PYGL: variants seen among roughly 807,000 people sequenced by gnomAD.
PYGL encodes the protein glycogen phosphorylase L.
A neutral mutation model predicts 100.1 loss-of-function variants in PYGL; 90 were observed. That is an observed-to-expected ratio of 0.90 (90% CI 0.76 to 1.07). PYGL has a LOEUF of 1.07. PYGL is among the 50% of genes least tolerant of loss of function. PYGL has a pLI of 0.00. For missense variants in PYGL, 1,016 were observed against 1,057.6 expected (o/e 0.96, Z 0.55); for synonymous variants, 373 against 393.0 (o/e 0.95, Z 0.60).
At chr14:50,942,874 A>G (rs1295058718) in intron 1 of PYGL, among the ~76,000 whole-genome samples, 1 of 151,946 alleles carries the variant, frequency 6.6e-6, no homozygotes, top group Non-Finnish European at 1.5e-5. Context: ...CAGTAAATAT[A>G]TGTATACATA....
At chr14:50,913,368 T>C in intron 12 of PYGL, 1 of 184,108 alleles carries the variant, frequency 5.4e-6, no homozygotes, top group Non-Finnish European at 1.1e-5. Flanking sequence ...TATTTATTTT[T>C]ATTTATTTAT....
chr14:50,906,729 T>C (rs1260386389), intron 19 of PYGL, among the ~76,000 whole-genome samples: 1 of 152,232 alleles, frequency 6.6e-6, no homozygotes, highest in Non-Finnish European at 1.5e-5. Flanking sequence ...GCGGCCTGTA[T>C]ATGGCTTTTC....
At chr14:50,908,079 C>G (rs2050351496) in intron 19 of PYGL, 192 bp downstream of exon 19, 2 of 480,420 alleles carry the variant, frequency 4.2e-6, no homozygotes, top group South Asian at 5.2e-5. Context: ...TCAACCTTGG[C>G]CTGAACTTGG....
intron 5 of PYGL, chr14:50,921,420 G>A (rs2050501213): frequency 1.4e-5 from 3 of 218,152 alleles, no homozygotes; most frequent in Admixed American, 5.3e-5. Flanking sequence ...TTGAGACGGA[G>A]TCTCACTCTG....
chr14:50,919,989 T>A (rs374189738), intron 7 of PYGL, among the ~76,000 whole-genome samples: 1 of 151,292 alleles, frequency 6.6e-6, no homozygotes, highest in East Asian at 1.9e-4. Flanking sequence ...TGGCCCCAAG[T>A]GTTTTTTTTT....
At chr14:50,918,703 T>C (rs2050475060) in intron 7 of PYGL, among the ~76,000 whole-genome samples, 1 of 152,212 alleles carries the variant, frequency 6.6e-6, no homozygotes, top group Non-Finnish European at 1.5e-5. Flanking sequence ...GGGTGTACAC[T>C]GCTCAGGTGA....
intron 6 of PYGL, 65 bp from the exon 7 acceptor site, chr14:50,920,688 C>T: frequency 6.8e-7 from 1 of 1,463,260 alleles, no homozygotes; most frequent in Non-Finnish European, 9.6e-7. Flanking sequence ...ACCTCTTGAT[C>T]TCACTGGCTC....
At position 50,923,831 on chromosome 14, in the gene PYGL, A is replaced by G. The variant is rs181036185; in HGVS notation, c.660+138T>C. ...CTGCGCTAAGAGAAGTAACAGATTTATTTACAAAAATATATTCTATTATTC... is the reference window on the plus strand; with the variant it reads ...CTGCGCTAAGAGAAGTAACAGATTTGTTTACAAAAATATATTCTATTATTC... On this transcript the variant is annotated intron_variant, in intron 5 of 19. Transcript: ENST00000216392. The G allele has an allele frequency of 5.3e-6, 6 of 1,135,494 alleles. No homozygotes were observed. The African/African-American group carries it at 7.8e-5, about 15-fold the overall frequency. 70.3% of individuals were successfully genotyped at this position (1,135,494 alleles called of 1,614,324 possible).
At chr14:50,906,938 A>G (rs1316415820) in intron 19 of PYGL, among the ~76,000 whole-genome samples, 1 of 152,228 alleles carries the variant, frequency 6.6e-6, no homozygotes, top group Non-Finnish European at 1.5e-5. Flanking sequence ...GACATTTAGG[A>G]TGACAGTAGG....
At position 50,944,443 on chromosome 14, in the gene PYGL, C is replaced by T; in HGVS notation, c.-40G>A. 6.4e-7 allele frequency: 1 copy of T among 1,565,666 alleles called. No individual in the cohort carries two copies. Among genetic ancestry groups the T allele is most frequent in the Non-Finnish European group, 8.6e-7 (1 of 1,158,820 alleles). ...GCTGCGCGGCGGGCTGCGCAGAGAGCTGGAAGTGCGGCCGGAGGCGCTGGG... is the reference window on the plus strand; with the variant it reads ...GCTGCGCGGCGGGCTGCGCAGAGAGTTGGAAGTGCGGCCGGAGGCGCTGGG... On this transcript the variant is annotated 5_prime_UTR_variant, in exon 1 of 20. Coordinates refer to ENST00000216392, the MANE Select transcript of PYGL (RefSeq NM_002863.5).
Position 50,912,046 on chromosome 14 carries a change from A to G in PYGL, c.1769-10T>C. On this transcript the variant is annotated splice_polypyrimidine_tract_variant and intron_variant, in intron 14 of 19. Transcript: ENST00000216392. ...GGGTCTTTCTTAATGCCTGAAAAAGATGGAGAAGTGGATGAAATGGAAGAC... is the reference window on the plus strand; with the variant it reads ...GGGTCTTTCTTAATGCCTGAAAAAGGTGGAGAAGTGGATGAAATGGAAGAC... The G allele has an allele frequency of 6.2e-7, 1 of 1,613,832 alleles. No individual in the cohort carries two copies.
intron 17 of PYGL, among the ~76,000 whole-genome samples, chr14:50,909,226 G>C (rs965869698): frequency 6.6e-6 from 1 of 152,168 alleles, no homozygotes; most frequent in Non-Finnish European, 1.5e-5. Context: ...TGATGTGGTA[G>C]AATACAGCAA....
intron 16 of PYGL, among the ~76,000 whole-genome samples, chr14:50,911,070 C>T (rs2050391735): frequency 6.6e-6 from 1 of 152,204 alleles, no homozygotes; most frequent in Non-Finnish European, 1.5e-5. Context: ...AAAAAGCTCC[C>T]TTTCTACCTT....
At chr14:50,907,571 G>T (rs1393242616) in intron 19 of PYGL, among the ~76,000 whole-genome samples, 2 of 152,144 alleles carry the variant, frequency 1.3e-5, no homozygotes, top group African/African-American at 2.4e-5. Context: ...AGGGGAGGGA[G>T]GGAGAGACCT....
chr14:50,911,586 C>T, intron 16 of PYGL, 144 bp downstream of exon 16: 1 of 1,081,372 alleles, frequency 9.2e-7, no homozygotes, highest in Non-Finnish European at 1.4e-6. Context: ...TTTAAAACCT[C>T]TTACCGTAGG....
Position 50,913,285 on chromosome 14 carries a change from A to G in PYGL, c.1519-155T>C, listed in dbSNP as rs2050416535. 7.8e-6 allele frequency: 5 copies of G among 643,770 alleles called. No individual in the cohort carries two copies. The East Asian group carries it at 1.2e-4, about 15-fold the overall frequency. 39.9% of individuals were successfully genotyped at this position (643,770 alleles called of 1,614,324 possible). A position where few individuals can be genotyped will look rare whatever the true frequency, so the allele number is the denominator to read the frequency against. On this transcript the variant is annotated intron_variant, in intron 12 of 19. Transcript: ENST00000216392. ...GTTTGACTCAAAGAAGAGTCTATAAAGTCTATGTGAGAAGAACACTTTTGC... is the reference window on the plus strand; with the variant it reads ...GTTTGACTCAAAGAAGAGTCTATAAGGTCTATGTGAGAAGAACACTTTTGC...
In PYGL at chr14:50,916,643, T is replaced by C. The variant is rs1222828851; in HGVS notation, c.1091A>G (p.Lys364Arg). The change falls in exon 9 of 20, where the codon AAG becomes AGG. Residue 364 changes from lysine to arginine, a missense_variant and splice_region_variant. Transcript: ENST00000216392. ...AAAAAGAAGCCAAACTATCCAGACC[T>C]TGGACCAGGGCAGTTTTTCAATATC... ...FVDIEKLPWS[K>R]AWELTQKTFA... 1 of 1,610,648 alleles carries C rather than the reference T, an allele frequency of 6.2e-7. No individual in the cohort carries two copies. Among genetic ancestry groups the C allele is most frequent in the East Asian group, 2.2e-5 (1 of 44,860 alleles).
chr14:50,910,908 C>T lies in PYGL; in HGVS notation c.1970-806G>A, dbSNP rs758793363. Among the ~76,000 whole-genome samples, 5 of 152,200 alleles carry T rather than the reference C, an allele frequency of 3.3e-5. No homozygotes were observed. In the East Asian group the frequency reaches 5.8e-4, roughly 18 times the overall value. ...CTGCCTGAAGCACTTCCTTTGACTA[C>T]AAAGGTCAGGACCACTTTTCTGCTT... On this transcript the variant is annotated intron_variant, in intron 16 of 19. Coordinates refer to ENST00000216392, the MANE Select transcript of PYGL (RefSeq NM_002863.5).
chr14:50,921,098 T>G, intron 5 of PYGL, 31 bp from the exon 6 acceptor site: 2 of 1,537,930 alleles, frequency 1.3e-6, no homozygotes, highest in Non-Finnish European at 1.8e-6. Flanking sequence ...AGCTGCTCAT[T>G]GTTTCCCAAG....
Sources: gnomAD v4.1 joint callset for allele counts (sites outside exome capture counted in the v4.1 genomes callset) on GRCh38, gnomAD v4.1.1 for gene constraint, MANE v1.5 for transcripts, NCBI Gene and HGNC (gene_info 2026-07-23, HGNC 2026-07-21) for gene names.